The following NDOR1 variants were observed in gnomAD, a reference collection of about 807,000 sequenced individuals.
NDOR1 encodes NADPH dependent diflavin oxidoreductase 1, also known as NADPH-dependent diflavin oxidoreductase 1.
NDOR1 carries 61 observed loss-of-function variants against 67.2 expected under a neutral mutation model. That is an observed-to-expected ratio of 0.91 (90% confidence interval 0.74 to 1.12). The LOEUF (loss-of-function observed/expected upper bound fraction) is 1.12, where lower values mean the gene tolerates loss of function less well. Ranked by LOEUF, NDOR1 falls within the 50% of genes most tolerant of loss-of-function variation. NDOR1 has a pLI of 0.00. For synonymous variants in NDOR1, 378 were observed against 343.7 expected (o/e 1.10, Z -1.10); for missense variants, 878 against 802.8 (o/e 1.09, Z -1.13).
Position 137,205,830 on chromosome 9 carries a change from A to G in NDOR1, c.53A>G (p.Gln18Arg). 1 of 1,605,486 alleles carries G rather than the reference A, an allele frequency of 6.2e-7. No individual in the cohort carries two copies. Among genetic ancestry groups the G allele is most frequent in the Non-Finnish European group, 8.5e-7 (1 of 1,179,654 alleles). Residue 18 changes from glutamine to arginine, a missense_variant, in exon 1 of 14, where the codon CAG becomes CGG. By Grantham distance (43) the Gln-to-Arg change is conservative. Transcript: ENST00000684003. ...VLFGSQTGTA[Q>R]DVSERLGREA... Reference sequence around the variant, plus strand: ...TTCGGCAGCCAGACAGGCACGGCTCAGGATGTGTCGGAGAGACTGGGTCGC... The same window carrying G: ...TTCGGCAGCCAGACAGGCACGGCTCGGGATGTGTCGGAGAGACTGGGTCGC...
Position 137,215,531 on chromosome 9 carries a change from G to C in NDOR1, c.1288+10G>C, listed in dbSNP as rs774141347. ...CTGGACCCTGGGCAAGGTGACCCCTGCTCCCAGGGTGGGGGCCGTGGGCCC... is the reference window on the plus strand; with the variant it reads ...CTGGACCCTGGGCAAGGTGACCCCTCCTCCCAGGGTGGGGGCCGTGGGCCC... On this transcript the variant is annotated intron_variant, in intron 10 of 13. Coordinates refer to ENST00000684003, the MANE Select transcript of NDOR1 (RefSeq NM_014434.4). The C allele has an allele frequency of 3.1e-6, 5 of 1,612,640 alleles. No individual in the cohort carries two copies. The highest frequency in any genetic ancestry group is 3.3e-4 in the Middle Eastern group (2 of 6,060).
rs1835704987 is a variant in NDOR1 at position 137,217,949 on chromosome 9, C to T, written c.*1533C>T. On this transcript the variant is annotated 3_prime_UTR_variant, in exon 14 of 14. Transcript: ENST00000684003. ...CAAAGGGGATGACCTTGGGCACCCC[C>T]AAGGTGCTGAGACTACAGCCAGTGA... 2.5e-6 allele frequency: 1 copy of T among 398,684 alleles called. No homozygotes were observed. The highest frequency in any genetic ancestry group is 4.4e-6 in the Non-Finnish European group (1 of 226,126). The allele number at this position is 398,684 out of a possible 1,614,324, so 24.7% of individuals were successfully genotyped here.
At position 137,215,688 on chromosome 9, in the gene NDOR1, C is replaced by G. The variant is rs1274389346; in HGVS notation, c.1318C>G (p.Pro440Ala). The change falls in exon 11 of 14, where the codon CCT becomes GCT. Residue 440 changes from proline (P) to alanine (A), a missense_variant. Transcript: ENST00000684003. The part of the protein sequence containing the change: ...GPVRVPLWVR[P>A]GSLAFPETPD... ...TGTCCGGGTGCCCCTCTGGGTGCGGCCTGGGAGTCTGGCCTTCCCAGAGAC... is the reference window on the plus strand; with the variant it reads ...TGTCCGGGTGCCCCTCTGGGTGCGGGCTGGGAGTCTGGCCTTCCCAGAGAC... 1 of 1,584,660 alleles carries G rather than the reference C, an allele frequency of 6.3e-7. No homozygotes were observed. Among genetic ancestry groups the G allele is most frequent in the Non-Finnish European group, 8.6e-7 (1 of 1,164,156 alleles).
rs1182638688 is a variant in NDOR1, at chr9:137,217,321, C to G, written c.*905C>G. ...GTCGGCTAAGATCTGATCGCCAGGA[C>G]TGCGTTCTGGGCAGGTGCTGGGAAG... On this transcript the variant is annotated 3_prime_UTR_variant, in exon 14 of 14. Transcript: ENST00000684003. 2.0e-5 allele frequency: 3 copies of G among 152,784 alleles called. No individual in the cohort carries two copies. Among genetic ancestry groups the G allele is most frequent in the Non-Finnish European group, 4.4e-5 (3 of 68,408 alleles). The allele number at this position is 152,784 out of a possible 1,614,324, so 9.5% of individuals were successfully genotyped here. A position where few individuals can be genotyped will look rare whatever the true frequency, so the allele number is the denominator to read the frequency against.
In NDOR1 at chr9:137,216,977, C is replaced by G; in HGVS notation, c.*561C>G. The G allele has an allele frequency of 5.7e-6, 1 of 176,960 alleles. No individual in the cohort carries two copies. The highest frequency in any genetic ancestry group is 1.2e-5 in the Non-Finnish European group (1 of 83,248). The allele number at this position is 176,960 out of a possible 1,614,324, so 11.0% of individuals were successfully genotyped here. On this transcript the variant is annotated 3_prime_UTR_variant, in exon 14 of 14. Transcript: ENST00000684003. ...TCTTCCTCTCCTGGTCCCAGAAAAA[C>G]CCTTGCAGTAAATGGTGGCCTCTGG...
intron 2 of NDOR1, among the ~76,000 whole-genome samples, chr9:137,207,121 A>G (rs961148081): frequency 2.6e-5 from 4 of 152,068 alleles, no homozygotes; most frequent in African/African-American, 9.7e-5. Context: ...TCGGAACTGT[A>G]GGGGTGACAC....
chr9:137,219,269 C>A lies in NDOR1; in HGVS notation c.*2853C>A. 6.6e-6 allele frequency: 1 copy of A among 152,384 alleles called. No individual in the cohort carries two copies. 9.4% of individuals were successfully genotyped at this position (152,384 alleles called of 1,614,324 possible). On this transcript the variant is annotated 3_prime_UTR_variant, in exon 14 of 14. Transcript: ENST00000684003. Reference sequence around the variant, plus strand: ...CTGCCCCTGCACACCCTCATGTCACCACACCTGGGATGGAGACATCAGGTG... The same window carrying A: ...CTGCCCCTGCACACCCTCATGTCACAACACCTGGGATGGAGACATCAGGTG...
rs527767238 is a variant in NDOR1 at position 137,214,756 on chromosome 9, GGCTCC to G, written c.845-39_845-35del. On this transcript the variant is annotated intron_variant, in intron 7 of 13. Transcript: ENST00000684003. ...CCGTGCCCTGGGCCCCCACCCCAAGGGCTCCGCCGCAGCCCACGGAGGCCTCCCAC... is the reference window on the plus strand; with the variant it reads ...CCGTGCCCTGGGCCCCCACCCCAAGGGCCGCAGCCCACGGAGGCCTCCCAC... 2.8e-4 allele frequency: 446 copies of G among 1,596,334 alleles called. 3 individuals are homozygous for G. In the African/African-American group the frequency reaches 5.2e-3, roughly 19 times the overall value.
In NDOR1 at chr9:137,213,893, G is replaced by A. The variant is rs370017554; in HGVS notation, c.410+15G>A. 68 of 1,600,230 alleles carry A rather than the reference G, an allele frequency of 4.2e-5. No individual in the cohort carries two copies. The highest frequency in any genetic ancestry group is 5.0e-5 in the Non-Finnish European group (59 of 1,173,030). Reference sequence around the variant, plus strand: ...CATGAGCTGGGGTGAGTCTGCGGGCGTGGTACCCGCCTCCACAGTCTGGTC... The same window carrying A: ...CATGAGCTGGGGTGAGTCTGCGGGCATGGTACCCGCCTCCACAGTCTGGTC... On this transcript the variant is annotated intron_variant, in intron 4 of 13. Coordinates refer to ENST00000684003, the MANE Select transcript of NDOR1 (RefSeq NM_014434.4).
At position 137,205,854 on chromosome 9, in the gene NDOR1, G is replaced by C; in HGVS notation, c.77G>C (p.Arg26Pro). The C allele has an allele frequency of 6.2e-7, 1 of 1,602,286 alleles. No homozygotes were observed. The highest frequency in any genetic ancestry group is 8.5e-7 in the Non-Finnish European group (1 of 1,178,704). The change falls in exon 1 of 14, where the codon CGC (arginine) becomes CCC (proline). Residue 26 changes from arginine to proline, a missense_variant. Arg to Pro is a moderately radical substitution (Grantham distance 103, BLOSUM62 -2). Transcript: ENST00000684003. The stretch of plus-strand genomic sequence containing the variant: ...CAGGATGTGTCGGAGAGACTGGGTC[G>C]CGAGGCCCGGCGCCGGCGGCTTGGC... Reference protein sequence around the residue: ...TAQDVSERLGREARRRRLGCR... With the variant: ...TAQDVSERLGPEARRRRLGCR...
rs1000903179 is a variant in NDOR1 at position 137,218,466 on chromosome 9, G to A, written c.*2050G>A. On this transcript the variant is annotated 3_prime_UTR_variant, in exon 14 of 14. Coordinates refer to ENST00000684003, the MANE Select transcript of NDOR1 (RefSeq NM_014434.4). ...CTGGGTGCCCGGCTCTGGACCCTGC[G>A]GGAGCGGGGACCCTGTGCCCGCCGC... The A allele has an allele frequency of 2.8e-5, 11 of 398,444 alleles. No homozygotes were observed. The highest frequency in any genetic ancestry group is 4.4e-5 in the Admixed American group (1 of 22,684). The allele number at this position is 398,444 out of a possible 1,614,324, so 24.7% of individuals were successfully genotyped here.
chr9:137,211,982 G>C (rs570685120), intron 2 of NDOR1, among the ~76,000 whole-genome samples: 1 of 152,120 alleles, frequency 6.6e-6, no homozygotes, highest in African/African-American at 2.4e-5. Context: ...GAAGGAGGGG[G>C]ATGTGTCTCA....
chr9:137,208,143 CAAAAAAA>C (rs34327783), intron 2 of NDOR1, among the ~76,000 whole-genome samples: 66 of 57,120 alleles, frequency 1.2e-3, no homozygotes, highest in Non-Finnish European at 1.9e-3. Flanking sequence ...TAGACTCTGT[CAAAAAAA>C]AAAAAAAAAA....
chr9:137,219,268 C>T lies in NDOR1; in HGVS notation c.*2852C>T, dbSNP rs1329091995. On this transcript the variant is annotated 3_prime_UTR_variant, in exon 14 of 14. Transcript: ENST00000684003. ...TCTGCCCCTGCACACCCTCATGTCA[C>T]CACACCTGGGATGGAGACATCAGGT... 1.3e-5 allele frequency: 2 copies of T among 152,288 alleles called. No homozygotes were observed. Among genetic ancestry groups the T allele is most frequent in the Non-Finnish European group, 2.9e-5 (2 of 68,090 alleles). The allele number at this position is 152,288 out of a possible 1,614,324, so 9.4% of individuals were successfully genotyped here.
Position 137,216,750 on chromosome 9 carries a change from C to T in NDOR1, c.*334C>T. The T allele has an allele frequency of 2.8e-6, 1 of 362,712 alleles. No individual in the cohort carries two copies. The highest frequency in any genetic ancestry group is 6.4e-5 in the East Asian group (1 of 15,590). 22.5% of individuals were successfully genotyped at this position (362,712 alleles called of 1,614,324 possible). A position where few individuals can be genotyped will look rare whatever the true frequency, so the allele number is the denominator to read the frequency against. On this transcript the variant is annotated 3_prime_UTR_variant, in exon 14 of 14. Coordinates refer to ENST00000684003, the MANE Select transcript of NDOR1 (RefSeq NM_014434.4). ...GTGACCCAGGACGGCATCAGCAGCC[C>T]AGTGAGCACCAGGGGTGGCATAGGG...
At chr9:137,209,820 G>C (rs939407146) in intron 2 of NDOR1, among the ~76,000 whole-genome samples, 1 of 152,238 alleles carries the variant, frequency 6.6e-6, no homozygotes, top group Admixed American at 6.5e-5. Context: ...CGCTGGGCGC[G>C]CTGGCCCAAG....
intron 2 of NDOR1, among the ~76,000 whole-genome samples, chr9:137,211,254 A>G (rs1835240776): frequency 1.3e-5 from 2 of 152,248 alleles, no homozygotes; most frequent in South Asian, 4.1e-4. Flanking sequence ...TGAGAAGACA[A>G]TGGTGGAGAG....
rs144634975 is a variant in NDOR1, at chr9:137,215,160, C to A, written c.1131C>A (p.Pro377=). 6.2e-7 allele frequency: 1 copy of A among 1,613,410 alleles called. No homozygotes were observed. The highest frequency in any genetic ancestry group is 1.1e-5 in the South Asian group (1 of 91,002). ...IPPDYLLDLI[P]VIRPRAFSIA... is the part of the protein sequence containing the mutation. ...CCGACTACCTGTTGGACCTCATCCC[C>A]GTTATCCGGCCGAGGGCCTTCTCCA... Residue 377 remains proline (P), a synonymous_variant, in exon 9 of 14, where the codon CCC becomes CCA. Coordinates refer to ENST00000684003, the MANE Select transcript of NDOR1 (RefSeq NM_014434.4).
chr9:137,215,697 CT>C lies in NDOR1; in HGVS notation c.1328del (p.Leu443ArgfsTer11). On this transcript the variant is annotated frameshift_variant, in exon 11 of 14. Coordinates refer to ENST00000684003, the MANE Select transcript of NDOR1 (RefSeq NM_014434.4). LOFTEE classifies it high-confidence loss of function. ...RVPLWVRPGSLAFPETPDTPV... is the reference protein window; with the variant it reads ...RVPLWVRPGSXAFPETPDTPV... Reference sequence around the variant, plus strand: ...GCCCCTCTGGGTGCGGCCTGGGAGTCTGGCCTTCCCAGAGACACCAGACACA... The same window carrying C: ...GCCCCTCTGGGTGCGGCCTGGGAGTCGGCCTTCCCAGAGACACCAGACACA... 1 of 1,590,526 alleles carries C rather than the reference CT, an allele frequency of 6.3e-7. No individual in the cohort carries two copies. Among genetic ancestry groups the C allele is most frequent in the Non-Finnish European group, 8.6e-7 (1 of 1,167,074 alleles).
Sources: gnomAD v4.1 joint callset for allele counts (sites outside exome capture counted in the v4.1 genomes callset) on GRCh38, gnomAD v4.1.1 for gene constraint, MANE v1.5 for transcripts, NCBI Gene and HGNC (gene_info 2026-07-23, HGNC 2026-07-21) for gene names.